Variants in SPON1 observed in about 807,000 individuals in gnomAD.
SPON1 encodes the protein spondin 1, also known as spondin-1.
A neutral mutation model predicts 111.7 loss-of-function variants in SPON1; 52 were observed. That is an observed-to-expected ratio of 0.47 (90% CI 0.37 to 0.59). The LOEUF (loss-of-function observed/expected upper bound fraction) is 0.59. Among genes scored for constraint, SPON1 ranks in the 20% least tolerant of loss-of-function variants. The pLI, the probability that SPON1 is intolerant of heterozygous loss-of-function variation, is 0.00. For missense variants in SPON1, 957 were observed against 1,068.5 expected (o/e 0.90, Z 1.46); for synonymous variants, 410 against 395.8 (o/e 1.04, Z -0.43).
chr11:14,079,443 A>G (rs1848943515), intron 4 of SPON1, among the ~76,000 whole-genome samples: 1 of 152,042 alleles, frequency 6.6e-6, no homozygotes, highest in Non-Finnish European at 1.5e-5. Flanking sequence ...CTTCAAAGTC[A>G]TTCCTTCTGG....
chr11:14,059,402 G>T (rs1030259816), intron 3 of SPON1, among the ~76,000 whole-genome samples: 2 of 152,162 alleles, frequency 1.3e-5, no homozygotes, highest in Admixed American at 1.3e-4. Flanking sequence ...AGGCTCTTTT[G>T]CATGTGGTCT....
At chr11:14,098,152 C>T (rs938195403) in intron 5 of SPON1, among the ~76,000 whole-genome samples, 1 of 152,186 alleles carries the variant, frequency 6.6e-6, no homozygotes, top group African/African-American at 2.4e-5. Context: ...CCTGCCACCA[C>T]GCCCAGCTAA....
At chr11:14,172,313 AC>A (rs1848113915) in intron 6 of SPON1, among the ~76,000 whole-genome samples, 1 of 151,552 alleles carries the variant, frequency 6.6e-6, no homozygotes, top group East Asian at 1.9e-4. Flanking sequence ...TAGGGTTGCA[AC>A]CCCTGCCTTT....
intron 6 of SPON1, among the ~76,000 whole-genome samples, chr11:14,171,042 T>C (rs1288284326): frequency 6.6e-6 from 1 of 152,218 alleles, no homozygotes; most frequent in Non-Finnish European, 1.5e-5. Context: ...TCTTTTTCTA[T>C]TGATTGGAAT....
intron 5 of SPON1, among the ~76,000 whole-genome samples, chr11:14,113,042 T>G (rs998005975): frequency 6.6e-6 from 1 of 152,204 alleles, no homozygotes; most frequent in African/African-American, 2.4e-5. Flanking sequence ...CCCTTGAAAT[T>G]TGTTCAAGCA....
Position 14,262,450 on chromosome 11 carries a change from A to C in SPON1, c.1997-262A>C. The stretch of plus-strand genomic sequence containing the variant: ...GGCAAGAGGCTCTGAACACATCCTG[A>C]AAGTCCTCCAAAGCCTTCTTGAGTC... On this transcript the variant is annotated intron_variant, in intron 14 of 15. Transcript: ENST00000576479. The C allele has an allele frequency of 9.3e-6, 5 of 534,954 alleles. No homozygotes were observed. The South Asian group carries it at 1.0e-4, about 11-fold the overall frequency. 33.1% of individuals were successfully genotyped at this position (534,954 alleles called of 1,614,324 possible). A position where few individuals can be genotyped will look rare whatever the true frequency, so the allele number is the denominator to read the frequency against.
At position 14,160,907 on chromosome 11, in the gene SPON1, ATATATATATT is replaced by A. The variant is rs1260820226; in HGVS notation, c.825+25347_825+25356del. 4.4e-4 allele frequency among the ~76,000 whole-genome samples: 14 copies of A among 31,694 alleles called. 1 individual carries two copies. Among genetic ancestry groups the A allele is most frequent in the African/African-American group, 1.1e-3 (8 of 7,242 alleles). The allele number at this position is 31,694 out of a possible 152,430, so 20.8% of individuals were successfully genotyped here. A position where few individuals can be genotyped will look rare whatever the true frequency, so the allele number is the denominator to read the frequency against. On this transcript the variant is annotated intron_variant, in intron 6 of 15. Coordinates refer to ENST00000576479, the MANE Select transcript of SPON1 (RefSeq NM_006108.4). ...TATATTTATATATATTTATATATTT[ATATATATATT>A]TATATATTTATATATTTATATATAT...
At chr11:14,025,733 G>A (rs575063438) in intron 2 of SPON1, among the ~76,000 whole-genome samples, 23 of 152,266 alleles carry the variant, frequency 1.5e-4, no homozygotes, top group African/African-American at 5.5e-4. Context: ...CTTCCCAGAG[G>A]AAGTGACTCA....
In SPON1 at chr11:14,257,826, C is replaced by A; in HGVS notation, c.1420C>A (p.Leu474Met). 6.2e-7 allele frequency: 1 copy of A among 1,604,276 alleles called. No individual in the cohort carries two copies. The highest frequency in any genetic ancestry group is 8.5e-7 in the Non-Finnish European group (1 of 1,175,582). Reference sequence around the variant, plus strand: ...GCGACAGCGCATGCTGAAAGCACAGCTGGACCTCAGCGTCCCCTGCCCTGA... The same window carrying A: ...GCGACAGCGCATGCTGAAAGCACAGATGGACCTCAGCGTCCCCTGCCCTGA... ...RMRQRMLKAQ[L>M]DLSVPCPDTQ... Residue 474 changes from leucine (L) to methionine (M), a missense_variant, in exon 11 of 16, where the codon CTG becomes ATG. This residue lies in a region of SPON1 where 549 missense variants were observed against 606.2 expected (regional missense o/e 0.91). Transcript: ENST00000576479.
intron 5 of SPON1, among the ~76,000 whole-genome samples, chr11:14,130,868 C>G (rs901661347): frequency 6.0e-5 from 9 of 151,234 alleles, no homozygotes; most frequent in African/African-American, 2.2e-4. Context: ...TCAGAGCAGT[C>G]ATAAAAAATG....
chr11:14,081,601 T>C (rs1380235610), intron 5 of SPON1, among the ~76,000 whole-genome samples: 4 of 152,128 alleles, frequency 2.6e-5, no homozygotes, highest in African/African-American at 9.7e-5. Context: ...TGGCAGGATG[T>C]CCATGTGTGG....
intron 6 of SPON1, among the ~76,000 whole-genome samples, chr11:14,188,237 A>T (rs1848308267): frequency 6.6e-6 from 1 of 152,122 alleles, no homozygotes; most frequent in South Asian, 2.1e-4. Flanking sequence ...CAGCATTTAT[A>T]TTTGATTCTA....
intron 3 of SPON1, among the ~76,000 whole-genome samples, chr11:14,059,893 C>T (rs1194589642): frequency 6.6e-6 from 1 of 152,140 alleles, no homozygotes; most frequent in Non-Finnish European, 1.5e-5. Flanking sequence ...CAAGAAGGTC[C>T]TTGACTGGTT....
rs1319668949 is a variant in SPON1, at chr11:14,259,885, G to A, written c.1831+184G>A. ...GGTGTGTAGACATCAACCAGACCCAGAGAGAGTAACCTCCACTGGGGGACA... is the reference window on the plus strand; with the variant it reads ...GGTGTGTAGACATCAACCAGACCCAAAGAGAGTAACCTCCACTGGGGGACA... On this transcript the variant is annotated intron_variant, in intron 13 of 15. Transcript: ENST00000576479. This position sits in a 1 kb window ranked among gnomAD's most constrained non-coding sequence, Gnocchi z 5.0. Among the ~76,000 whole-genome samples the A allele has an allele frequency of 6.6e-6, 1 of 152,230 alleles. No individual in the cohort carries two copies. Among genetic ancestry groups the A allele is most frequent in the East Asian group, 1.9e-4 (1 of 5,198 alleles).
chr11:14,263,295 CAAT>C (rs1378631592), intron 15 of SPON1, among the ~76,000 whole-genome samples: 1 of 152,000 alleles, frequency 6.6e-6, no homozygotes, highest in African/African-American at 2.4e-5. Flanking sequence ...CATATAAAAC[CAAT>C]AATGTGTCCA....
intron 6 of SPON1, among the ~76,000 whole-genome samples, chr11:14,239,949 T>A (rs1848907637): frequency 6.6e-6 from 1 of 152,210 alleles, no homozygotes; most frequent in African/African-American, 2.4e-5. Flanking sequence ...GGCAATTTGG[T>A]AGGGCAGACC....
At chr11:14,243,265 G>T in intron 6 of SPON1, 67 bp from the exon 7 acceptor site, 1 of 1,460,632 alleles carries the variant, frequency 6.8e-7, no homozygotes. Flanking sequence ...GGTGTCACCA[G>T]GTCAAAGCCC....
At chr11:14,077,765 A>G (rs545435678) in intron 4 of SPON1, among the ~76,000 whole-genome samples, 42 of 152,092 alleles carry the variant, frequency 2.8e-4, no homozygotes, top group African/African-American at 9.6e-4. Context: ...AATTACAGGC[A>G]TGAGCTACCG....
chr11:14,108,214 G>A (rs974901342), intron 5 of SPON1, among the ~76,000 whole-genome samples: 5 of 152,106 alleles, frequency 3.3e-5, no homozygotes, highest in South Asian at 2.1e-4. Flanking sequence ...CAAAGTGTTC[G>A]TCATTATTAT....
Sources: allele counts gnomAD v4.1 joint callset (sites outside exome capture counted in the v4.1 genomes callset), GRCh38; gene constraint gnomAD v4.1.1; regional missense constraint gnomAD v4.1.1; non-coding constraint Gnocchi (gnomAD v3.1); transcripts MANE v1.5; gene names NCBI Gene and HGNC (gene_info 2026-07-23, HGNC 2026-07-21).